ZNF536: variants seen among roughly 807,000 people sequenced by gnomAD.
ZNF536 encodes the protein zinc finger protein 536.
Under a neutral mutation model 84.5 loss-of-function variants are expected in ZNF536, and 13 were observed. The ratio of observed to expected loss-of-function variants is 0.15; its 90% CI spans 0.10 to 0.24. The LOEUF is 0.24. Ranked by LOEUF, ZNF536 falls within the 10% of genes least tolerant of loss-of-function variation. The probability of loss-of-function intolerance (pLI) is 1.00; values close to 1 mark genes in which losing one functional copy is unlikely to be tolerated. For synonymous variants in ZNF536, 811 were observed against 742.5 expected (o/e 1.09, Z -1.50); for missense variants, 1,536 against 1,747.5 (o/e 0.88, Z 2.16).
chr19:30,407,524 CCAGACGA>C (rs943580532), intron 1 of ZNF536, among the ~76,000 whole-genome samples: 89 of 152,250 alleles, frequency 5.8e-4, no homozygotes, highest in African/African-American at 2.0e-3. Flanking sequence ...TGGTCCCGCC[CCAGACGA>C]CAGTCACAAG....
At chr19:30,650,865 G>A (rs746822091) in intron 1 of ZNF536, among the ~76,000 whole-genome samples, 7 of 152,202 alleles carry the variant, frequency 4.6e-5, no homozygotes, top group Admixed American at 1.3e-4. Flanking sequence ...ACGCTGGGAC[G>A]TTGGAGCATA....
In ZNF536 at chr19:30,259,455, G is replaced by A. The variant is rs140427519; in HGVS notation, c.-189-24617G>A. 4.9e-3 allele frequency among the ~76,000 whole-genome samples: 739 copies of A among 152,246 alleles called. 3 individuals carry two copies. The highest frequency in any genetic ancestry group is 8.7e-3 in the Non-Finnish European group (594 of 68,014). On this transcript the variant is annotated intron_variant, in intron 1 of 5. Transcript: ENST00000585628. ...GGAGCTTGTTAGAAATGCAAATCCC[G>A]GGCCTCACCCCAGACCCATCTAATC...
chr19:30,540,833 G>A (rs2045299794), intron 3 of ZNF536, among the ~76,000 whole-genome samples: 1 of 152,276 alleles, frequency 6.6e-6, no homozygotes, highest in Admixed American at 6.5e-5. Context: ...CTCACAAGTG[G>A]TGTTGGCGCA....
chr19:30,441,540 G>T (rs1300804577), intron 1 of ZNF536, among the ~76,000 whole-genome samples: 1 of 152,190 alleles, frequency 6.6e-6, no homozygotes, highest in Non-Finnish European at 1.5e-5. Flanking sequence ...CTAGGGACTG[G>T]CACATGGAAG....
intron 2 of ZNF536, among the ~76,000 whole-genome samples, chr19:30,457,929 G>A (rs544877197): frequency 2.6e-5 from 4 of 152,278 alleles, no homozygotes; most frequent in South Asian, 4.2e-4. Flanking sequence ...TCGTGGATAC[G>A]GCCCCTCTTC....
intron 2 of ZNF536, among the ~76,000 whole-genome samples, chr19:30,287,969 C>A (rs2045707961): frequency 1.3e-5 from 2 of 152,148 alleles, no homozygotes; most frequent in South Asian, 4.1e-4. Context: ...TTTTTGAAAC[C>A]TTTATTTTCA....
intron 2 of ZNF536, among the ~76,000 whole-genome samples, chr19:30,530,787 G>A (rs1842439736): frequency 6.6e-6 from 1 of 152,226 alleles, no homozygotes; most frequent in Non-Finnish European, 1.5e-5. Flanking sequence ...CCTGCAGTTT[G>A]CAGAGGGGCA....
At chr19:30,647,922 G>A (rs535184670) in intron 1 of ZNF536, among the ~76,000 whole-genome samples, 1 of 152,216 alleles carries the variant, frequency 6.6e-6, no homozygotes, top group Non-Finnish European at 1.5e-5. Flanking sequence ...GTTTTAGGGA[G>A]TTGTGAAGTT....
chr19:30,368,479 C>T (rs1020696163), upstream of ZNF536, among the ~76,000 whole-genome samples: 8 of 152,180 alleles, frequency 5.3e-5, no homozygotes, highest in Admixed American at 3.3e-4. Context: ...GATGTGCCTG[C>T]GAGGGCAACA....
chr19:30,357,034 T>C (rs2048118194), intron 3 of ZNF536, among the ~76,000 whole-genome samples: 1 of 152,262 alleles, frequency 6.6e-6, no homozygotes, highest in South Asian at 2.1e-4. Flanking sequence ...ACAAGGGCCC[T>C]GTCCTCAGAG....
chr19:30,314,376 G>A lies in ZNF536; in HGVS notation c.-120+30235G>A, dbSNP rs536267345. On this transcript the variant is annotated intron_variant, in intron 2 of 5. Transcript: ENST00000585628. ...CCCTGGTTCCGAGACTCTGCCCCTC[G>A]TCGAGACAGCTCCTTTGTGAGTTAG... Among the ~76,000 whole-genome samples the A allele has an allele frequency of 4.6e-5, 7 of 152,198 alleles. 1 individual carries two copies. In the East Asian group the frequency reaches 5.8e-4, roughly 13 times the overall value.
At chr19:30,510,509 A>G (rs1310898678) in intron 2 of ZNF536, among the ~76,000 whole-genome samples, 1 of 152,208 alleles carries the variant, frequency 6.6e-6, no homozygotes, top group Non-Finnish European at 1.5e-5. Flanking sequence ...TTATTGTGGC[A>G]GATTGGGCAG....
At chr19:30,639,649 T>C (rs2049193341) in intron 1 of ZNF536, among the ~76,000 whole-genome samples, 1 of 152,252 alleles carries the variant, frequency 6.6e-6, no homozygotes, top group Non-Finnish European at 1.5e-5. Flanking sequence ...TTCTTATCTG[T>C]TCTTACTCCT....
intron 2 of ZNF536, among the ~76,000 whole-genome samples, chr19:30,320,723 C>T (rs886874181): frequency 6.6e-6 from 1 of 152,142 alleles, no homozygotes; most frequent in African/African-American, 2.4e-5. Flanking sequence ...CCCTCCCCGA[C>T]CTGGATTATC....
chr19:30,334,103 G>T (rs2047303181), intron 2 of ZNF536, among the ~76,000 whole-genome samples: 1 of 152,182 alleles, frequency 6.6e-6, no homozygotes, highest in African/African-American at 2.4e-5. Context: ...TCAATAAAAT[G>T]AAAGCTCCCA....
At chr19:30,684,362 C>A (rs1249388690) in intron 1 of ZNF536, among the ~76,000 whole-genome samples, 2 of 152,130 alleles carry the variant, frequency 1.3e-5, no homozygotes, top group African/African-American at 4.8e-5. Context: ...GCCTCCAACT[C>A]CTGAGCTCAA....
chr19:30,646,848 T>C lies in ZNF536; in HGVS notation c.170-63909T>C, dbSNP rs147673966. Among the ~76,000 whole-genome samples the C allele has an allele frequency of 3.5e-4, 54 of 152,330 alleles. No homozygotes were observed. In the South Asian group the frequency reaches 6.8e-3, roughly 19 times the overall value. ...TGGGCGCATTTCCGAAGCAAGGCTA[T>C]TGATGTTGTATGTTTAAAAAAATTA... is the stretch of plus-strand genomic sequence containing the variant. On this transcript the variant is annotated intron_variant, in intron 1 of 1. Coordinates refer to the ZNF536 transcript ENST00000592773.
At chr19:30,555,209 AAGG>A (rs2045922755) in intron 4 of ZNF536, 1 of 152,192 alleles carries the variant, frequency 6.6e-6, no homozygotes, top group Non-Finnish European at 1.5e-5. Flanking sequence ...TCACTGATGG[AAGG>A]AAGCGTAGGG....
At chr19:30,352,998 C>A (rs986442077) in intron 3 of ZNF536, among the ~76,000 whole-genome samples, 4 of 152,172 alleles carry the variant, frequency 2.6e-5, no homozygotes, top group Admixed American at 2.6e-4. Flanking sequence ...CACCATGATT[C>A]ATTCTGATAG....
Sources: gnomAD v4.1 joint callset for allele counts (sites outside exome capture counted in the v4.1 genomes callset) on GRCh38, gnomAD v4.1.1 for gene constraint, MANE v1.5 for transcripts, NCBI Gene and HGNC (gene_info 2026-07-23, HGNC 2026-07-21) for gene names.